LTV1: variants seen among roughly 807,000 people sequenced by gnomAD.
The protein encoded by LTV1 is LTV1 ribosome biogenesis factor.
Under a neutral mutation model 59.9 loss-of-function variants are expected in LTV1, and 39 were observed. That is an observed-to-expected ratio of 0.65 (90% CI 0.50 to 0.85). LTV1 has a LOEUF of 0.85. Ranked by LOEUF, LTV1 falls within the 40% of genes least tolerant of loss-of-function variation. The pLI is 0.00. For missense variants in LTV1, 493 were observed against 549.1 expected, an observed-to-expected ratio of 0.90 and a Z score of 1.02; for synonymous variants, 171 against 189.5, an observed-to-expected ratio of 0.90 and a Z score of 0.80.
At chr6:143,847,307 T>A (rs1283035526) in intron 3 of LTV1, among the ~76,000 whole-genome samples, 1 of 152,234 alleles carries the variant, frequency 6.6e-6, no homozygotes, top group African/African-American at 2.4e-5. Context: ...GGGAGAAAAT[T>A]CTTAGTAAAG....
rs1777098196 is a variant in LTV1, at chr6:143,857,607, C to T, written c.540-145C>T. The T allele has an allele frequency of 4.5e-6, 5 of 1,105,378 alleles. No homozygotes were observed. The highest frequency in any genetic ancestry group is 1.6e-5 in the African/African-American group (1 of 63,686). 68.5% of individuals were successfully genotyped at this position (1,105,378 alleles called of 1,614,324 possible). A position where few individuals can be genotyped will look rare whatever the true frequency, so the allele number is the denominator to read the frequency against. On this transcript the variant is annotated intron_variant, in intron 5 of 10. Transcript: ENST00000367576. The surrounding 1 kb of genome is among the most constrained non-coding windows in gnomAD (Gnocchi z 5.2). ...ATGTGAGATTCATTGCTTTTCCTACCAAACCAGATTGATCAAACACCCTCA... is the reference window on the plus strand; with the variant it reads ...ATGTGAGATTCATTGCTTTTCCTACTAAACCAGATTGATCAAACACCCTCA...
At position 143,863,787 on chromosome 6, in the gene LTV1, A is replaced by G. The variant is rs1315663082; in HGVS notation, c.*260A>G. On this transcript the variant is annotated 3_prime_UTR_variant, in exon 11 of 11. Coordinates refer to ENST00000367576, the MANE Select transcript of LTV1 (RefSeq NM_032860.5). The surrounding 1 kb of genome is among the most constrained non-coding windows in gnomAD (Gnocchi z 4.5). ...ATGAATGTGAAATGTTTGATAAATT[A>G]AAGGAAAATATCTTCATAACGTGAA... The G allele has an allele frequency of 3.5e-6, 1 of 289,364 alleles. No individual in the cohort carries two copies. Among genetic ancestry groups the G allele is most frequent in the Non-Finnish European group, 6.4e-6 (1 of 156,734 alleles). The allele number at this position is 289,364 out of a possible 1,614,324, so 17.9% of individuals were successfully genotyped here.
chr6:143,847,431 G>A (rs969263588), intron 3 of LTV1, among the ~76,000 whole-genome samples: 10 of 152,178 alleles, frequency 6.6e-5, no homozygotes, highest in Non-Finnish European at 8.8e-5. Flanking sequence ...GCACGATCTC[G>A]GCTCACCGCA....
intron 4 of LTV1, among the ~76,000 whole-genome samples, chr6:143,854,987 G>A (rs1378949118): frequency 6.6e-6 from 1 of 152,094 alleles, no homozygotes. Flanking sequence ...CTGAGTTCAA[G>A]TCCTGAAGAT....
At chr6:143,843,507 G>C (rs768158097) in intron 1 of LTV1, 27 bp downstream of exon 1, 1 of 1,613,242 alleles carries the variant, frequency 6.2e-7, no homozygotes, top group East Asian at 2.2e-5. Context: ...TGTTTCGGCG[G>C]CCGAGCGCTG....
rs1777172174 is a variant in LTV1, at chr6:143,862,006, G to GT, written c.924-93dup. Reference sequence around the variant, plus strand: ...TGGAATATGTGCATTTAAAACATTGGTTTTTCCACAGCTAAAAATTGCAGT... The same window carrying GT: ...TGGAATATGTGCATTTAAAACATTGGTTTTTTCCACAGCTAAAAATTGCAGT... On this transcript the variant is annotated intron_variant, in intron 7 of 10. Transcript: ENST00000367576. This position sits in a 1 kb window ranked among gnomAD's most constrained non-coding sequence, Gnocchi z 4.2. 8.2e-7 allele frequency: 1 copy of GT among 1,216,928 alleles called. No homozygotes were observed. The highest frequency in any genetic ancestry group is 1.2e-6 in the Non-Finnish European group (1 of 859,912). The allele number at this position is 1,216,928 out of a possible 1,614,324, so 75.4% of individuals were successfully genotyped here.
chr6:143,844,510 A>G lies in LTV1; in HGVS notation c.28A>G (p.Ile10Val), dbSNP rs1478240370. 1.2e-6 allele frequency: 2 copies of G among 1,613,928 alleles called. No homozygotes were observed. Among genetic ancestry groups the G allele is most frequent in the East Asian group, 2.2e-5 (1 of 44,890 alleles). ...GCCTCACAGGAAGAAAAAGCCCTTT[A>G]TAGAGAAGAAGAAAGCTGTGTCTTT... MPHRKKKPF[I>V]EKKKAVSFHL... Residue 10 changes from isoleucine to valine, a missense_variant, in exon 2 of 11, where the codon ATA becomes GTA. Transcript: ENST00000367576.
chr6:143,863,431 GAAGA>G lies in LTV1; in HGVS notation c.1336_1339del (p.Lys446LeufsTer4), dbSNP rs1323532060. On this transcript the variant is annotated frameshift_variant, in exon 11 of 11. Coordinates refer to ENST00000367576, the MANE Select transcript of LTV1 (RefSeq NM_032860.5). LOFTEE classifies it high-confidence loss of function. The surrounding 1 kb of genome is among the most constrained non-coding windows in gnomAD (Gnocchi z 4.5). Reference sequence around the variant, plus strand: ...ACTTATAACAGGAACGAAGAGTGGAGAAGAAAGCTAACAAATTAGCATTTAAACT... The same window carrying G: ...ACTTATAACAGGAACGAAGAGTGGAGAAGCTAACAAATTAGCATTTAAACT... 6.2e-7 allele frequency: 1 copy of G among 1,613,368 alleles called. No individual in the cohort carries two copies. Among genetic ancestry groups the G allele is most frequent in the Non-Finnish European group, 8.5e-7 (1 of 1,179,422 alleles).
chr6:143,860,996 A>G (rs1405511057), intron 7 of LTV1, among the ~76,000 whole-genome samples: 1 of 151,448 alleles, frequency 6.6e-6, no homozygotes, highest in African/African-American at 2.4e-5. Flanking sequence ...TCCCAGGTTC[A>G]GGTGATTCTC....
intron 3 of LTV1, 36 bp from the exon 4 acceptor site, chr6:143,850,095 A>G (rs1776957561): frequency 1.3e-6 from 2 of 1,557,666 alleles, no homozygotes; most frequent in Non-Finnish European, 1.8e-6. Context: ...AAGAATTTCC[A>G]AATAAACCTA....
In LTV1 at chr6:143,850,199, TAAAG is replaced by T; in HGVS notation, c.379_382del (p.Lys127GlnfsTer99). 1 of 1,613,504 alleles carries T rather than the reference TAAAG, an allele frequency of 6.2e-7. No homozygotes were observed. The highest frequency in any genetic ancestry group is 8.5e-7 in the Non-Finnish European group (1 of 1,179,618). On this transcript the variant is annotated frameshift_variant, in exon 4 of 11. Transcript: ENST00000367576. LOFTEE classifies it high-confidence loss of function. ...TTGAGGAAGATGTTGGATTGTTAAA[TAAAG>T]CAGCTCCAGTTTCAGGTATTTTTAA...
intron 6 of LTV1, 144 bp downstream of exon 6, chr6:143,858,151 C>T (rs576409574): frequency 2.3e-5 from 17 of 745,352 alleles, no homozygotes; most frequent in South Asian, 6.9e-5. Flanking sequence ...GCTATAGGTT[C>T]GTGTAGCCAG....
intron 1 of LTV1, among the ~76,000 whole-genome samples, chr6:143,843,920 A>T (rs779166786): frequency 6.6e-5 from 10 of 152,224 alleles, no homozygotes; most frequent in Non-Finnish European, 1.5e-4. Flanking sequence ...CCCAAAGTAA[A>T]GCCACTTAAT....
At chr6:143,850,788 G>T (rs1776969400) in intron 4 of LTV1, among the ~76,000 whole-genome samples, 1 of 152,116 alleles carries the variant, frequency 6.6e-6, no homozygotes, top group Admixed American at 6.5e-5. Flanking sequence ...ACAGATTTTT[G>T]AGTTGCCACT....
In LTV1 at chr6:143,857,659, C is replaced by A; in HGVS notation, c.540-93C>A. On this transcript the variant is annotated intron_variant, in intron 5 of 10. Transcript: ENST00000367576. This position sits in a 1 kb window ranked among gnomAD's most constrained non-coding sequence, Gnocchi z 5.2. ...TCTTCCTGCCTAGACAAGAACCCTT[C>A]CTGAAATACCTTCCAATTTTACTTG... is the stretch of plus-strand genomic sequence containing the variant. The A allele has an allele frequency of 7.1e-7, 1 of 1,415,506 alleles. No homozygotes were observed. The highest frequency in any genetic ancestry group is 9.8e-7 in the Non-Finnish European group (1 of 1,017,448). The allele number at this position is 1,415,506 out of a possible 1,614,324, so 87.7% of individuals were successfully genotyped here.
At chr6:143,848,865 C>T (rs536109831) in intron 3 of LTV1, among the ~76,000 whole-genome samples, 9 of 152,136 alleles carry the variant, frequency 5.9e-5, no homozygotes, top group Admixed American at 1.3e-4. Flanking sequence ...GTCAGGCTGC[C>T]GAGACAGTGA....
chr6:143,850,064 C>T lies in LTV1; in HGVS notation c.310-67C>T, dbSNP rs533846655. ...ATGGACATTGATTTGGGGGGGACTT[C>T]AACCCGGTACACTAGTTAAGAAGAA... On this transcript the variant is annotated intron_variant, in intron 3 of 10. Coordinates refer to ENST00000367576, the MANE Select transcript of LTV1 (RefSeq NM_032860.5). 2.1e-4 allele frequency: 276 copies of T among 1,290,486 alleles called. 1 individual carries two copies. In the African/African-American group the frequency reaches 3.7e-3, roughly 17 times the overall value. The allele number at this position is 1,290,486 out of a possible 1,614,324, so 79.9% of individuals were successfully genotyped here. A position where few individuals can be genotyped will look rare whatever the true frequency, so the allele number is the denominator to read the frequency against.
chr6:143,849,844 G>A (rs912688491), intron 3 of LTV1, among the ~76,000 whole-genome samples: 1 of 152,128 alleles, frequency 6.6e-6, no homozygotes, highest in African/African-American at 2.4e-5. Flanking sequence ...ACTTCCGAAG[G>A]TTACCGGTGA....
At chr6:143,849,328 C>G (rs1313207020) in intron 3 of LTV1, among the ~76,000 whole-genome samples, 1 of 152,168 alleles carries the variant, frequency 6.6e-6, no homozygotes, top group Admixed American at 6.5e-5. Context: ...TGTGCCATTA[C>G]TAGAGATTAG....
Sources: allele counts gnomAD v4.1 joint callset (sites outside exome capture counted in the v4.1 genomes callset), GRCh38; gene constraint gnomAD v4.1.1; non-coding constraint Gnocchi (gnomAD v3.1); transcripts MANE v1.5; gene names NCBI Gene and HGNC (gene_info 2026-07-23, HGNC 2026-07-21).